Variants in VWA8 observed in about 807,000 individuals in gnomAD.
VWA8 encodes von Willebrand factor A domain containing 8.
In VWA8, 221 loss-of-function variants were observed where a neutral mutation model predicts 241.5. The observed-to-expected ratio is 0.91, with a 90% CI of 0.82 to 1.02. VWA8 has a LOEUF of 1.02. VWA8 is among the 50% of genes least tolerant of loss of function. The probability of loss-of-function intolerance (pLI) is 0.00; values close to 1 mark genes in which losing one functional copy is unlikely to be tolerated. For synonymous variants in VWA8, 852 were observed against 827.1 expected, an observed-to-expected ratio of 1.03 and a Z score of -0.52; for missense variants, 2,322 against 2,328.7, an observed-to-expected ratio of 1.00 and a Z score of 0.06.
chr13:41,761,329 C>T (rs1457702481), intron 20 of VWA8, 125 bp from the exon 21 acceptor site: 1 of 864,906 alleles, frequency 1.2e-6, no homozygotes, highest in African/African-American at 1.7e-5. Context: ...GTTTATTGTT[C>T]ATGAAAACCA....
At chr13:41,901,013 CAG>C (rs1875398886) in intron 4 of VWA8, among the ~76,000 whole-genome samples, 1 of 151,830 alleles carries the variant, frequency 6.6e-6, no homozygotes, top group Non-Finnish European at 1.5e-5. Context: ...CAGATTAAAT[CAG>C]ATAACTTTGG....
chr13:41,595,261 T>C (rs2044480673), intron 40 of VWA8, among the ~76,000 whole-genome samples: 1 of 152,202 alleles, frequency 6.6e-6, no homozygotes, highest in Non-Finnish European at 1.5e-5. Context: ...CTTAAGGTAC[T>C]CTCTAGCTTG....
Position 41,891,574 on chromosome 13 carries a change from G to A in VWA8, c.497C>T (p.Ala166Val), listed in dbSNP as rs1423568572. The A allele has an allele frequency of 2.5e-6, 4 of 1,613,968 alleles. No homozygotes were observed. Among genetic ancestry groups the A allele is most frequent in the Admixed American group, 1.7e-5 (1 of 60,008 alleles). ...AFYIDQCAVRAATEGRTLILE... is the reference protein window; with the variant it reads ...AFYIDQCAVRVATEGRTLILE... The stretch of plus-strand genomic sequence containing the variant: ...AATGAGAGTTCTGCCTTCTGTGGCT[G>A]CACGAACTGCACACTATTTCCAAGA... Residue 166 changes from alanine (A) to valine (V), a missense_variant, in exon 5 of 45, where the codon GCA becomes GTA. By Grantham distance (64) the Ala-to-Val change is moderately conservative. Coordinates refer to ENST00000379310, the MANE Select transcript of VWA8 (RefSeq NM_015058.2).
At chr13:41,664,648 G>GGCCTGGACAGACTTT (rs1169120502) in intron 37 of VWA8, among the ~76,000 whole-genome samples, 40 of 152,092 alleles carry the variant, frequency 2.6e-4, no homozygotes, top group African/African-American at 9.2e-4. Flanking sequence ...ATGTCTCAAC[G>GGCCTGGACAGACTTT]GCCTGGACAG....
At chr13:41,796,909 T>C (rs1234677498) in intron 17 of VWA8, among the ~76,000 whole-genome samples, 1 of 152,230 alleles carries the variant, frequency 6.6e-6, no homozygotes, top group Non-Finnish European at 1.5e-5. Flanking sequence ...TGATTTAAAT[T>C]TTCCAACTAA....
chr13:41,944,797 T>G (rs1398638485), intron 2 of VWA8, among the ~76,000 whole-genome samples: 2 of 151,982 alleles, frequency 1.3e-5, no homozygotes, highest in African/African-American at 4.8e-5. Context: ...AGCTACTGTA[T>G]GCAAACAGCA....
chr13:41,937,755 C>T (rs1325141103), intron 2 of VWA8, among the ~76,000 whole-genome samples: 3 of 152,164 alleles, frequency 2.0e-5, no homozygotes, highest in Admixed American at 6.5e-5. Context: ...TTAAACAACA[C>T]ATAACTGTAT....
At chr13:41,788,600 C>T (rs1052461029) in intron 17 of VWA8, among the ~76,000 whole-genome samples, 2 of 152,168 alleles carry the variant, frequency 1.3e-5, no homozygotes, top group Non-Finnish European at 2.9e-5. Context: ...TCTGAACTTT[C>T]GTCATAGTTC....
In VWA8 at chr13:41,758,786, T is replaced by C. The variant is rs73183371; in HGVS notation, c.2426+2342A>G. Among the ~76,000 whole-genome samples the C allele has an allele frequency of 7.5e-3, 1,136 of 151,398 alleles. 10 individuals carry two copies. The highest frequency in any genetic ancestry group is 0.012 in the Non-Finnish European group (786 of 67,484). On this transcript the variant is annotated intron_variant, in intron 21 of 44. Coordinates refer to ENST00000379310, the MANE Select transcript of VWA8 (RefSeq NM_015058.2). ...AAATGTTTAGTCTTTCATTTTTAAA[T>C]ATGAAGTTTAGCTATAGGCTTTTTA...
At chr13:41,706,777 T>A (rs925058428) in intron 26 of VWA8, among the ~76,000 whole-genome samples, 2 of 152,244 alleles carry the variant, frequency 1.3e-5, no homozygotes, top group African/African-American at 4.8e-5. Flanking sequence ...ACTTAAGTTT[T>A]AATATCTGAT....
At chr13:41,810,291 A>G (rs1190406386) in intron 17 of VWA8, among the ~76,000 whole-genome samples, 4 of 152,160 alleles carry the variant, frequency 2.6e-5, no homozygotes, top group Non-Finnish European at 4.4e-5. Flanking sequence ...CCCAACAGAA[A>G]GAAAATCCAT....
intron 40 of VWA8, among the ~76,000 whole-genome samples, chr13:41,598,904 A>G (rs1205225219): frequency 6.6e-6 from 1 of 151,554 alleles, no homozygotes; most frequent in Non-Finnish European, 1.5e-5. Flanking sequence ...TTAATTTTGC[A>G]TGGTACTTAG....
At chr13:41,905,077 A>T (rs1175666539) in intron 4 of VWA8, 1 of 152,160 alleles carries the variant, frequency 6.6e-6, no homozygotes, top group Non-Finnish European at 1.5e-5. Context: ...AGTCAACAAG[A>T]TAGAAATATA....
Position 41,833,565 on chromosome 13 carries a change from T to C in VWA8, c.1426-34A>G, listed in dbSNP as rs201890506. The C allele has an allele frequency of 1.3e-4, 203 of 1,552,610 alleles. 1 individual carries two copies. Among genetic ancestry groups the C allele is most frequent in the Non-Finnish European group, 1.6e-4 (186 of 1,148,496 alleles). On this transcript the variant is annotated intron_variant, in intron 12 of 44. Transcript: ENST00000379310. Reference sequence around the variant, plus strand: ...AATCCCCACCACCCAACAAAGAACATGACGAATTAATTTTTAAGACATGCA... The same window carrying C: ...AATCCCCACCACCCAACAAAGAACACGACGAATTAATTTTTAAGACATGCA...
intron 20 of VWA8, among the ~76,000 whole-genome samples, chr13:41,769,030 G>GTAGCTGGGACTACAGGT (rs1221507146): frequency 1.3e-5 from 2 of 151,800 alleles, no homozygotes; most frequent in Admixed American, 6.6e-5. Context: ...AGCCTCCTGA[G>GTAGCTGGGACTACAGGT]TAGCTGGGAC....
Position 41,777,879 on chromosome 13 carries a change from C to T in VWA8, c.2349+106G>A. On this transcript the variant is annotated intron_variant, in intron 20 of 44. Transcript: ENST00000379310. ...AGTCTCATCCTTTAATTAAACCAGT[C>T]ATTTAATAGGGGAAAAAATAACTGA... 3 of 928,698 alleles carry T rather than the reference C, an allele frequency of 3.2e-6. No homozygotes were observed. In the South Asian group the frequency reaches 5.1e-5, roughly 16 times the overall value. The allele number at this position is 928,698 out of a possible 1,614,324, so 57.5% of individuals were successfully genotyped here.
intron 38 of VWA8, among the ~76,000 whole-genome samples, chr13:41,614,191 TTGTC>T (rs2044606775): frequency 6.6e-6 from 1 of 152,214 alleles, no homozygotes; most frequent in African/African-American, 2.4e-5. Context: ...TGATAGCACA[TTGTC>T]TAAGCAGAGA....
chr13:41,829,402 C>CA (rs890608927), intron 14 of VWA8, among the ~76,000 whole-genome samples: 2 of 151,614 alleles, frequency 1.3e-5, no homozygotes, highest in African/African-American at 4.8e-5. Context: ...TATCTACCCC[C>CA]AAAAAAAGAT....
At chr13:41,585,169 T>C (rs1248980053) in intron 42 of VWA8, among the ~76,000 whole-genome samples, 2 of 152,230 alleles carry the variant, frequency 1.3e-5, no homozygotes, top group African/African-American at 2.4e-5. Flanking sequence ...GTTTCATTAA[T>C]AGTTCTTCCA....
Sources: allele counts gnomAD v4.1 joint callset (sites outside exome capture counted in the v4.1 genomes callset), GRCh38; gene constraint gnomAD v4.1.1; transcripts MANE v1.5; gene names NCBI Gene and HGNC (gene_info 2026-07-23, HGNC 2026-07-21).